The following PRDM5 variants were observed in gnomAD, a reference collection of about 807,000 sequenced individuals.
PRDM5 encodes PR domain zinc finger protein 5.
PRDM5 carries 56 observed loss-of-function variants against 81.2 expected under a neutral mutation model. The observed-to-expected ratio is 0.69, with a 90% CI of 0.56 to 0.86. The LOEUF (loss-of-function observed/expected upper bound fraction) is 0.86. Ranked by LOEUF, PRDM5 falls within the 40% of genes least tolerant of loss-of-function variation. The probability of loss-of-function intolerance (pLI) is 0.00; values close to 1 mark genes in which losing one functional copy is unlikely to be tolerated. For synonymous variants in PRDM5, 267 were observed against 256.4 expected (o/e 1.04, Z -0.39); for missense variants, 697 against 770.1 (o/e 0.91, Z 1.12).
intron 2 of PRDM5, among the ~76,000 whole-genome samples, chr4:120,904,583 G>A (rs555034660): frequency 3.2e-4 from 49 of 152,046 alleles, no homozygotes; most frequent in Non-Finnish European, 5.6e-4. Context: ...TAGCTCCTTG[G>A]GTAGCAGAGT....
intron 12 of PRDM5, among the ~76,000 whole-genome samples, chr4:120,778,324 T>G (rs1561196487): frequency 6.6e-6 from 1 of 152,048 alleles, no homozygotes; most frequent in Admixed American, 6.6e-5. Context: ...TGAACTGACA[T>G]AGACAAATGA....
intron 8 of PRDM5, among the ~76,000 whole-genome samples, chr4:120,807,066 A>G (rs1316031826): frequency 1.3e-5 from 2 of 152,258 alleles, no homozygotes; most frequent in Non-Finnish European, 2.9e-5. Flanking sequence ...TCTCAAAAGA[A>G]GAGATTTATG....
intron 2 of PRDM5, among the ~76,000 whole-genome samples, chr4:120,898,768 CT>C (rs1393017629): frequency 6.6e-6 from 1 of 152,104 alleles, no homozygotes; most frequent in East Asian, 1.9e-4. Flanking sequence ...ATATCACTAC[CT>C]TTCACTATAT....
chr4:120,746,836 G>GGACT (rs1743156480), intron 14 of PRDM5, among the ~76,000 whole-genome samples: 1 of 145,246 alleles, frequency 6.9e-6, no homozygotes, highest in African/African-American at 2.6e-5. Flanking sequence ...ACTGTTGGTG[G>GGACT]GACTGTAAAC....
intron 3 of PRDM5, 152 bp downstream of exon 3, chr4:120,853,266 A>C: frequency 8.4e-7 from 1 of 1,193,390 alleles, no homozygotes; most frequent in Non-Finnish European, 1.2e-6. Flanking sequence ...CCTTTCCTAC[A>C]TATGCTGACT....
chr4:120,787,028 G>A (rs936147778), intron 10 of PRDM5, among the ~76,000 whole-genome samples: 1 of 152,190 alleles, frequency 6.6e-6, no homozygotes, highest in African/African-American at 2.4e-5. Context: ...ACTAGCAGAG[G>A]AGAAGGACAA....
chr4:120,807,550 A>C (rs6826221), intron 8 of PRDM5, among the ~76,000 whole-genome samples: 17,373 of 152,248 alleles, frequency 0.11, 2,403 homozygotes, highest in African/African-American at 0.33. Flanking sequence ...GGATGAGTTC[A>C]TGTCCTTTGT....
At chr4:120,781,097 G>C (rs1748969981) in intron 12 of PRDM5, 46 bp downstream of exon 12, 4 of 1,535,828 alleles carry the variant, frequency 2.6e-6, no homozygotes, top group Non-Finnish European at 3.6e-6. Flanking sequence ...TACCCATACT[G>C]CTTAAACACG....
intron 2 of PRDM5, among the ~76,000 whole-genome samples, chr4:120,884,395 A>C (rs1463894865): frequency 6.6e-6 from 1 of 151,482 alleles, no homozygotes; most frequent in Non-Finnish European, 1.5e-5. Context: ...TACTTGAAAC[A>C]CTTGCTTTAA....
chr4:120,773,248 T>C (rs1747556617), intron 13 of PRDM5, among the ~76,000 whole-genome samples: 1 of 152,088 alleles, frequency 6.6e-6, no homozygotes, highest in African/African-American at 2.4e-5. Flanking sequence ...CATTTGTTCT[T>C]TGCATATAAA....
At chr4:120,908,338 C>T (rs1428979264) in intron 1 of PRDM5, among the ~76,000 whole-genome samples, 1 of 152,186 alleles carries the variant, frequency 6.6e-6, no homozygotes, top group Non-Finnish European at 1.5e-5. Context: ...GAAATGTGTG[C>T]AGAGGAGACA....
intron 2 of PRDM5, among the ~76,000 whole-genome samples, chr4:120,886,710 C>A (rs967755525): frequency 6.6e-6 from 1 of 152,008 alleles, no homozygotes; most frequent in African/African-American, 2.4e-5. Context: ...ATGAAATGAA[C>A]TTTTATTCAA....
rs763299037 is a variant in PRDM5 at position 120,816,858 on chromosome 4, G to A, written c.717C>T (p.Cys239=). Residue 239 remains cysteine, a synonymous_variant, in exon 6 of 16, where the codon TGC becomes TGT. Coordinates refer to ENST00000264808, the MANE Select transcript of PRDM5 (RefSeq NM_018699.4). Reference sequence around the variant, plus strand: ...TCGATGCTGAACTGAAGGAAGAATTGCAAACAGAGCACTGAAAACTTCGCG... The same window carrying A: ...TCGATGCTGAACTGAAGGAAGAATTACAAACAGAGCACTGAAAACTTCGCG... ...ESSRSFQCSV[C]NSSFSSASSF... 5 of 1,613,666 alleles carry A rather than the reference G, an allele frequency of 3.1e-6. No homozygotes were observed. The African/African-American group carries it at 5.3e-5, about 17-fold the overall frequency.
intron 14 of PRDM5, among the ~76,000 whole-genome samples, chr4:120,714,318 C>T (rs1161039743): frequency 6.6e-6 from 1 of 152,112 alleles, no homozygotes; most frequent in Admixed American, 6.6e-5. Flanking sequence ...TTTTACTCTT[C>T]ATATTTCTTA....
At chr4:120,747,827 C>T (rs1455185081) in intron 14 of PRDM5, among the ~76,000 whole-genome samples, 1 of 152,200 alleles carries the variant, frequency 6.6e-6, no homozygotes, top group East Asian at 1.9e-4. Context: ...GAACTGCGAT[C>T]TTAGAAACTT....
intron 14 of PRDM5, among the ~76,000 whole-genome samples, chr4:120,728,055 C>G (rs941955428): frequency 1.3e-5 from 2 of 152,086 alleles, no homozygotes; most frequent in African/African-American, 2.4e-5. Context: ...TCACTCACAG[C>G]TTAGCCTGGC....
chr4:120,772,868 T>C (rs1747502974), intron 13 of PRDM5, among the ~76,000 whole-genome samples: 1 of 152,208 alleles, frequency 6.6e-6, no homozygotes, highest in Admixed American at 6.5e-5. Flanking sequence ...ACATTTACAC[T>C]AATGGTATAA....
chr4:120,830,763 G>A (rs570603718), intron 3 of PRDM5, among the ~76,000 whole-genome samples: 4 of 152,016 alleles, frequency 2.6e-5, no homozygotes, highest in Admixed American at 6.6e-5. Context: ...AATCTGGTTT[G>A]CTAGTCATAG....
chr4:120,783,357 T>A (rs1246456568), intron 11 of PRDM5, among the ~76,000 whole-genome samples: 2 of 152,074 alleles, frequency 1.3e-5, no homozygotes, highest in African/African-American at 4.8e-5. Context: ...AATGTGCTGA[T>A]CAACATCATA....
Sources: allele counts gnomAD v4.1 joint callset (sites outside exome capture counted in the v4.1 genomes callset), GRCh38; gene constraint gnomAD v4.1.1; transcripts MANE v1.5; gene names NCBI Gene and HGNC (gene_info 2026-07-23, HGNC 2026-07-21).